The following SLC25A25 variants were observed in gnomAD, a reference collection of about 807,000 sequenced individuals.
SLC25A25 encodes the protein solute carrier family 25 member 25, also known as mitochondrial adenyl nucleotide antiporter SLC25A25.
Under a neutral mutation model 57.7 loss-of-function variants are expected in SLC25A25, and 32 were observed. The ratio of observed to expected loss-of-function variants is 0.55; its 90% confidence interval spans 0.42 to 0.74. The LOEUF is 0.74. SLC25A25 is among the 30% of genes least tolerant of loss of function. The pLI is 0.00. For synonymous variants in SLC25A25, 306 were observed against 291.2 expected, an observed-to-expected ratio of 1.05 and a Z score of -0.52; for missense variants, 556 against 701.3, an observed-to-expected ratio of 0.79 and a Z score of 2.34.
chr9:128,077,216 A>G (rs778450321), intron 1 of SLC25A25, among the ~76,000 whole-genome samples: 26 of 152,200 alleles, frequency 1.7e-4, no homozygotes, highest in Non-Finnish European at 3.8e-4. Flanking sequence ...TTCCTCGGAA[A>G]TGTTACGCTG....
chr9:128,104,365 T>A (rs546654349), intron 6 of SLC25A25, among the ~76,000 whole-genome samples: 1 of 152,280 alleles, frequency 6.6e-6, no homozygotes, highest in South Asian at 2.1e-4. Context: ...ACCTAGTACT[T>A]CTTGTGCCAG....
intron 1 of SLC25A25, among the ~76,000 whole-genome samples, chr9:128,092,712 AC>A (rs1469631029): frequency 2.0e-4 from 31 of 152,272 alleles, no homozygotes; most frequent in Middle Eastern, 6.8e-3. Context: ...AGCGTGAGTT[AC>A]CATCCTCACA....
chr9:128,072,774 A>C (rs1344872989), intron 1 of SLC25A25, among the ~76,000 whole-genome samples: 2 of 152,272 alleles, frequency 1.3e-5, no homozygotes, highest in African/African-American at 4.8e-5. Flanking sequence ...GATGAGACTC[A>C]GCCAGAGCTA....
Position 128,081,904 on chromosome 9 carries a change from GCCAGACCCTGTCTC to G in SLC25A25, c.261+13325_261+13338del, listed in dbSNP as rs1293168022. Among the ~76,000 whole-genome samples the G allele has an allele frequency of 7.1e-5, 10 of 140,960 alleles. No individual in the cohort carries two copies. In the Admixed American group the frequency reaches 7.5e-4, roughly 11 times the overall value. The allele number at this position is 140,960 out of a possible 152,430, so 92.5% of individuals were successfully genotyped here. On this transcript the variant is annotated intron_variant, in intron 1 of 10. Coordinates refer to ENST00000373069, the MANE Select transcript of SLC25A25 (RefSeq NM_001330988.2). ...CCTGCACTCCAGTCTGGGCAGCAGAGCCAGACCCTGTCTCAAAAAAAATAAAGTAGAAATCCCAT... is the reference window on the plus strand; with the variant it reads ...CCTGCACTCCAGTCTGGGCAGCAGAGAAAAAAAATAAAGTAGAAATCCCAT...
chr9:128,095,307 C>A lies in SLC25A25; in HGVS notation c.262-5789C>A, dbSNP rs777990125. Among the ~76,000 whole-genome samples the A allele has an allele frequency of 1.3e-5, 2 of 152,154 alleles. No homozygotes were observed. Among genetic ancestry groups the A allele is most frequent in the African/African-American group, 4.8e-5 (2 of 41,418 alleles). ...TTGAAGTGGATGTTGTAACAAGAACCCTGGGTGCAAGGCCCTGCCCTGCCC... is the reference window on the plus strand; with the variant it reads ...TTGAAGTGGATGTTGTAACAAGAACACTGGGTGCAAGGCCCTGCCCTGCCC... On this transcript the variant is annotated intron_variant, in intron 1 of 10. Transcript: ENST00000373069. The surrounding 1 kb of genome is among the most constrained non-coding windows in gnomAD (Gnocchi z 4.4).
At position 128,099,340 on chromosome 9, in the gene SLC25A25, G is replaced by C. The variant is rs1201716747; in HGVS notation, c.262-1756G>C. The C allele has an allele frequency of 4.0e-6, 5 of 1,261,054 alleles. No homozygotes were observed. Among genetic ancestry groups the C allele is most frequent in the Non-Finnish European group, 5.1e-6 (5 of 976,966 alleles). 78.1% of individuals were successfully genotyped at this position (1,261,054 alleles called of 1,614,324 possible). On this transcript the variant is annotated intron_variant, in intron 1 of 10. Coordinates refer to ENST00000373069, the MANE Select transcript of SLC25A25 (RefSeq NM_001330988.2). This position sits in a 1 kb window ranked among gnomAD's most constrained non-coding sequence, Gnocchi z 6.8. Reference sequence around the variant, plus strand: ...GGAGACAGAAGGAGGCCCAGGCCCTGTGAGGCAGAAGCAAGCACTTTGAGA... The same window carrying C: ...GGAGACAGAAGGAGGCCCAGGCCCTCTGAGGCAGAAGCAAGCACTTTGAGA...
intron 1 of SLC25A25, among the ~76,000 whole-genome samples, chr9:128,076,824 A>C (rs1278574776): frequency 6.6e-6 from 1 of 152,130 alleles, no homozygotes; most frequent in Admixed American, 6.5e-5. Flanking sequence ...AGAACCATAG[A>C]ATTTAGTCTT....
rs896125666 is a variant in SLC25A25 at position 128,102,841 on chromosome 9, G to A, written c.624+360G>A. 6.6e-6 allele frequency among the ~76,000 whole-genome samples: 1 copy of A among 152,152 alleles called. No individual in the cohort carries two copies. The highest frequency in any genetic ancestry group is 2.4e-5 in the African/African-American group (1 of 41,414). Reference sequence around the variant, plus strand: ...CCTTCCCCCCGGTGGGAGGGGGCTGGGGCAGAAGCTACTCTACAGAGAACA... The same window carrying A: ...CCTTCCCCCCGGTGGGAGGGGGCTGAGGCAGAAGCTACTCTACAGAGAACA... On this transcript the variant is annotated intron_variant, in intron 5 of 10. Transcript: ENST00000373069. The surrounding 1 kb of genome is among the most constrained non-coding windows in gnomAD (Gnocchi z 4.1).
At chr9:128,097,075 G>T (rs1481153318) in intron 1 of SLC25A25, among the ~76,000 whole-genome samples, 1 of 152,224 alleles carries the variant, frequency 6.6e-6, no homozygotes, top group East Asian at 1.9e-4. Context: ...AAGCGTTTTA[G>T]TGCATTAAAA....
chr9:128,090,088 G>T (rs1018393156), intron 1 of SLC25A25, among the ~76,000 whole-genome samples: 1 of 151,884 alleles, frequency 6.6e-6, no homozygotes, highest in East Asian at 1.9e-4. Context: ...TGTCCTCCCC[G>T]CCCCACACCC....
At chr9:128,085,196 TG>T (rs1477520134) in intron 1 of SLC25A25, among the ~76,000 whole-genome samples, 3 of 151,830 alleles carry the variant, frequency 2.0e-5, no homozygotes, top group African/African-American at 7.3e-5. Flanking sequence ...CTGGGTGTGG[TG>T]GCGGGCGCCT....
chr9:128,092,982 C>T (rs7026753), intron 1 of SLC25A25, among the ~76,000 whole-genome samples: 31,347 of 152,132 alleles, frequency 0.21, 3,790 homozygotes, highest in African/African-American at 0.33. Context: ...CCTCGTTCAC[C>T]TCCTGAGCTT....
intron 1 of SLC25A25, among the ~76,000 whole-genome samples, chr9:128,084,189 G>A (rs1833223551): frequency 2.0e-5 from 3 of 152,054 alleles, no homozygotes; most frequent in South Asian, 4.1e-4. Context: ...GATGGGAAGG[G>A]AGGGACATGC....
intron 7 of SLC25A25, 59 bp downstream of exon 7, chr9:128,105,940 G>T: frequency 6.3e-7 from 1 of 1,588,060 alleles, no homozygotes; most frequent in Non-Finnish European, 8.6e-7. Context: ...GCCTGGACTT[G>T]CTGGCTTTCC....
chr9:128,069,192 G>C (rs1225846460), intron 1 of SLC25A25, among the ~76,000 whole-genome samples: 2 of 152,200 alleles, frequency 1.3e-5, no homozygotes, highest in Non-Finnish European at 2.9e-5. Context: ...GAAAGAATCC[G>C]GGGGAAATTT....
At position 128,102,094 on chromosome 9, in the gene SLC25A25, A is replaced by C; in HGVS notation, c.491A>C (p.His164Pro). The change falls in exon 4 of 11, where the codon CAT becomes CCT. Residue 164 changes from histidine (H) to proline (P), a missense_variant. Physicochemically the swap from His to Pro is moderately conservative, Grantham distance 77. Transcript: ENST00000373069. The surrounding 1 kb of genome is among the most constrained non-coding windows in gnomAD (Gnocchi z 4.1). ...EKILKRIRTG[H>P]FWGPVTYMDK... ...CTGTCTGTCAGAATACGAACGGGCC[A>C]TTTCTGGGGCCCTGTCACCTAGTAA... 1 of 1,550,526 alleles carries C rather than the reference A, an allele frequency of 6.4e-7. No homozygotes were observed. Among genetic ancestry groups the C allele is most frequent in the Non-Finnish European group, 8.7e-7 (1 of 1,146,970 alleles).
rs749708669 is a variant in SLC25A25 at position 128,102,031 on chromosome 9, A to T, written c.477-49A>T. On this transcript the variant is annotated intron_variant, in intron 3 of 10. Coordinates refer to ENST00000373069, the MANE Select transcript of SLC25A25 (RefSeq NM_001330988.2). The surrounding 1 kb of genome is among the most constrained non-coding windows in gnomAD (Gnocchi z 4.1). ...TTCACTAACATGGCTCCGAGCACTT[A>T]TGCGTGTTGTTTCTGCTCTCTCCTC... The T allele has an allele frequency of 2.3e-5, 36 of 1,549,364 alleles. No individual in the cohort carries two copies. The highest frequency in any genetic ancestry group is 5.2e-6 in the Non-Finnish European group (6 of 1,146,172).
At chr9:128,075,104 T>G (rs978393672) in intron 1 of SLC25A25, among the ~76,000 whole-genome samples, 3 of 152,078 alleles carry the variant, frequency 2.0e-5, no homozygotes, top group Non-Finnish European at 4.4e-5. Flanking sequence ...GCCACTGCAC[T>G]CCAGCCTTGG....
rs114706110 is a variant in SLC25A25, at chr9:128,098,593, G to A, written c.262-2503G>A. 3,148 of 1,614,072 alleles carry A rather than the reference G, an allele frequency of 2.0e-3. 53 individuals are homozygous for A. In the African/African-American group the frequency reaches 0.037, roughly 19 times the overall value. On this transcript the variant is annotated intron_variant, in intron 1 of 10. Transcript: ENST00000373069. ...TGCTCTGTCTGTGCCTGTATGTGCC[G>A]GTCATCGGGGAAGCCCAGACCGAGT...
Sources: gnomAD v4.1 joint callset for allele counts (sites outside exome capture counted in the v4.1 genomes callset) on GRCh38, gnomAD v4.1.1 for gene constraint, Gnocchi (gnomAD v3.1) non-coding constraint, MANE v1.5 for transcripts, NCBI Gene and HGNC (gene_info 2026-07-23, HGNC 2026-07-21) for gene names.